DHRSX: variants seen among roughly 807,000 people sequenced by gnomAD.
DHRSX encodes polyprenol dehydrogenase.
A neutral mutation model predicts 34.0 loss-of-function variants in DHRSX; 31 were observed. That is an observed-to-expected ratio of 0.91 (90% confidence interval 0.69 to 1.23). DHRSX has a LOEUF of 1.23. Ranked by LOEUF, DHRSX falls within the 50% of genes most tolerant of loss-of-function variation. DHRSX has a pLI of 0.00. For synonymous variants in DHRSX, 201 were observed against 183.8 expected (o/e 1.09, Z -0.76); for missense variants, 414 against 428.1 (o/e 0.97, Z 0.29).
At chrX:2,440,935 G>A (rs1314898387) in intron 1 of DHRSX, among the ~76,000 whole-genome samples, 1 of 152,126 alleles carries the variant, frequency 6.6e-6, no homozygotes, top group Non-Finnish European at 1.5e-5. Flanking sequence ...GAAGAGCAAC[G>A]CTGTAACCAG....
At chrX:2,390,161 T>TC (rs1328260607) in intron 3 of DHRSX, among the ~76,000 whole-genome samples, 1 of 151,084 alleles carries the variant, frequency 6.6e-6, no homozygotes, top group Non-Finnish European at 1.5e-5. Context: ...TTTTTTTTTT[T>TC]TAATGGAGCT....
At chrX:2,481,256 T>G (rs1242452881) in intron 1 of DHRSX, among the ~76,000 whole-genome samples, 1 of 152,222 alleles carries the variant, frequency 6.6e-6, no homozygotes, top group Non-Finnish European at 1.5e-5. Flanking sequence ...AGTCCCAGTT[T>G]CGAGGACAGC....
intron 1 of DHRSX, among the ~76,000 whole-genome samples, chrX:2,436,908 T>C (rs2043998822): frequency 1.3e-5 from 2 of 152,022 alleles, no homozygotes; most frequent in African/African-American, 2.4e-5. Flanking sequence ...GTTGCAATTA[T>C]AGGCATGAAC....
intron 1 of DHRSX, among the ~76,000 whole-genome samples, chrX:2,481,027 CTTG>C (rs1194163802): frequency 1.4e-4 from 21 of 151,952 alleles, no homozygotes; most frequent in African/African-American, 1.5e-4. Context: ...TGTTAATTAG[CTTG>C]TTAATATGTT....
chrX:2,270,921 A>G (rs2041543561), intron 4 of DHRSX, among the ~76,000 whole-genome samples: 1 of 152,084 alleles, frequency 6.6e-6, no homozygotes, highest in South Asian at 2.1e-4. Flanking sequence ...CACTCTGTAA[A>G]ATGGACCAAT....
At position 2,451,881 on chromosome X, in the gene DHRSX, G is replaced by T. The variant is rs182019140; in HGVS notation, c.110-26577C>A. Among the ~76,000 whole-genome samples, 8 of 152,064 alleles carry T rather than the reference G, an allele frequency of 5.3e-5. No homozygotes were observed. The East Asian group carries it at 1.5e-3, about 29-fold the overall frequency. On this transcript the variant is annotated intron_variant, in intron 1 of 6. Transcript: ENST00000334651. ...CACACTGAAGACGCTCCCTAAGAAT[G>T]CAACTAAAAGACAACACTGAAGACG...
chrX:2,500,278 A>G (rs781357367), intron 1 of DHRSX: 4 of 175,274 alleles, frequency 2.3e-5, no homozygotes, highest in Non-Finnish European at 4.9e-5. Flanking sequence ...CCCTCTGGAG[A>G]CGTCCTCCGG....
At chrX:2,458,183 C>T (rs1369441621) in intron 1 of DHRSX, among the ~76,000 whole-genome samples, 2 of 152,028 alleles carry the variant, frequency 1.3e-5, no homozygotes, top group African/African-American at 4.8e-5. Context: ...AAGAGACCAA[C>T]ATCGTGTACA....
intron 3 of DHRSX, among the ~76,000 whole-genome samples, chrX:2,358,525 GC>G (rs1342918766): frequency 6.6e-6 from 1 of 152,036 alleles, no homozygotes; most frequent in Non-Finnish European, 1.5e-5. Context: ...GTGAAACCCT[GC>G]CTCTACTAAG....
intron 3 of DHRSX, among the ~76,000 whole-genome samples, chrX:2,389,026 G>C (rs2043304449): frequency 6.6e-6 from 1 of 152,224 alleles, no homozygotes; most frequent in South Asian, 2.1e-4. Context: ...ACAGCTGTGA[G>C]AGAATAAGTA....
intron 3 of DHRSX, among the ~76,000 whole-genome samples, chrX:2,297,726 C>G (rs1043815687): frequency 1.3e-5 from 2 of 150,594 alleles, no homozygotes; most frequent in Admixed American, 6.7e-5. Context: ...GCTAGGATGA[C>G]AGGAGTGCGG....
chrX:2,221,255 C>A, intron 6 of DHRSX, 26 bp from the exon 7 acceptor site: 1 of 1,603,894 alleles, frequency 6.2e-7, no homozygotes, highest in Non-Finnish European at 8.5e-7. Flanking sequence ...AAGAAGGCTA[C>A]GATGAGTCAA....
intron 3 of DHRSX, among the ~76,000 whole-genome samples, chrX:2,315,229 T>C (rs1383826551): frequency 6.6e-6 from 1 of 151,668 alleles, no homozygotes; most frequent in East Asian, 1.9e-4. Context: ...GCTGTCCAAA[T>C]AAACACTATC....
intron 1 of DHRSX, chrX:2,500,486 C>CG (rs758853914): frequency 6.4e-5 from 10 of 155,546 alleles, no homozygotes; most frequent in Admixed American, 1.3e-4. Flanking sequence ...TCAGGGTGCG[C>CG]GGGGGGGCGG....
At chrX:2,482,199 A>G (rs1226876929) in intron 1 of DHRSX, among the ~76,000 whole-genome samples, 5 of 150,414 alleles carry the variant, frequency 3.3e-5, no homozygotes, top group Admixed American at 6.6e-5. Context: ...GTGCGATCAC[A>G]TTTCACTGCA....
intron 3 of DHRSX, among the ~76,000 whole-genome samples, chrX:2,303,880 GATGGATGGATGGATGGATAA>G (rs1216340537): frequency 4.2e-5 from 6 of 143,414 alleles, no homozygotes; most frequent in East Asian, 2.1e-4. Context: ...TGGATGGGTG[GATGGATGGATGGATGGATAA>G]ATGGATGGAT....
chrX:2,447,998 A>T (rs1198257770), intron 1 of DHRSX, among the ~76,000 whole-genome samples: 1 of 151,396 alleles, frequency 6.6e-6, no homozygotes, highest in African/African-American at 2.4e-5. Flanking sequence ...AGTTTGAGAC[A>T]AGCCTGGGCA....
chrX:2,484,222 C>T (rs1291741157), intron 1 of DHRSX, among the ~76,000 whole-genome samples: 1 of 152,210 alleles, frequency 6.6e-6, no homozygotes, highest in Non-Finnish European at 1.5e-5. Flanking sequence ...ATCCACCCGC[C>T]TCGGCCTCCC....
intron 3 of DHRSX, among the ~76,000 whole-genome samples, chrX:2,298,055 C>T (rs1406836724): frequency 6.6e-6 from 1 of 152,064 alleles, no homozygotes; most frequent in Non-Finnish European, 1.5e-5. Context: ...CACGCCTAGC[C>T]TGGGGTTTTT....
Sources: gnomAD v4.1 joint callset for allele counts (sites outside exome capture counted in the v4.1 genomes callset) on GRCh38, gnomAD v4.1.1 for gene constraint, MANE v1.5 for transcripts, NCBI Gene and HGNC (gene_info 2026-07-23, HGNC 2026-07-21) for gene names.